The following DPP10 variants were observed in gnomAD, a reference collection of about 807,000 sequenced individuals.
DPP10 encodes inactive dipeptidyl peptidase 10.
Under a neutral mutation model 120.9 loss-of-function variants are expected in DPP10, and 33 were observed. The ratio of observed to expected loss-of-function variants is 0.27; its 90% CI spans 0.21 to 0.37. The LOEUF (loss-of-function observed/expected upper bound fraction) is 0.37, where lower values mean the gene tolerates loss of function less well. Ranked by LOEUF, DPP10 falls within the 10% of genes least tolerant of loss-of-function variation. The pLI is 1.00. For missense variants in DPP10, 816 were observed against 942.8 expected (o/e 0.87, Z 1.76); for synonymous variants, 337 against 326.1 (o/e 1.03, Z -0.36).
intron 3 of DPP10, among the ~76,000 whole-genome samples, chr2:115,377,308 G>A (rs1051665122): frequency 9.2e-5 from 14 of 151,978 alleles, no homozygotes; most frequent in South Asian, 2.1e-4. Flanking sequence ...GCCAGTGATG[G>A]TGAGCATTTT....
chr2:115,814,170 C>T (rs1686969324), intron 19 of DPP10, among the ~76,000 whole-genome samples: 1 of 152,074 alleles, frequency 6.6e-6, no homozygotes, highest in African/African-American at 2.4e-5. Flanking sequence ...ACATATATAT[C>T]TATGCTTCTT....
chr2:115,723,796 T>A (rs2092704671), intron 7 of DPP10, among the ~76,000 whole-genome samples: 3 of 152,176 alleles, frequency 2.0e-5, no homozygotes, highest in Admixed American at 2.0e-4. Flanking sequence ...ATAGGCATTA[T>A]CTGGGATACT....
chr2:114,448,160 T>G (rs1678045182), intron 1 of DPP10, among the ~76,000 whole-genome samples: 2 of 152,208 alleles, frequency 1.3e-5, no homozygotes, highest in Non-Finnish European at 2.9e-5. Flanking sequence ...GCTTTACATT[T>G]TATAGCTTAG....
intron 1 of DPP10, among the ~76,000 whole-genome samples, chr2:114,451,968 G>C (rs1678305462): frequency 6.6e-6 from 1 of 152,136 alleles, no homozygotes; most frequent in African/African-American, 2.4e-5. Context: ...GCTTCATTTA[G>C]AAAGGTACCA....
intron 5 of DPP10, among the ~76,000 whole-genome samples, chr2:115,583,488 A>G (rs962230916): frequency 5.9e-5 from 9 of 152,146 alleles, no homozygotes; most frequent in Non-Finnish European, 1.0e-4. Context: ...TGGTGCCTGG[A>G]TGAGATGGCT....
intron 1 of DPP10, among the ~76,000 whole-genome samples, chr2:114,997,447 G>C (rs952046731): frequency 2.0e-5 from 3 of 150,246 alleles, no homozygotes; most frequent in Non-Finnish European, 4.4e-5. Context: ...AGCCGAGACT[G>C]TGCCACTGCA....
intron 21 of DPP10, among the ~76,000 whole-genome samples, chr2:115,822,751 C>T (rs2150066538): frequency 6.6e-6 from 1 of 151,998 alleles, no homozygotes; most frequent in Admixed American, 6.5e-5. Flanking sequence ...ATTGTCATAA[C>T]TTCTCATCCT....
chr2:114,843,187 G>T (rs998629329), intron 1 of DPP10, among the ~76,000 whole-genome samples: 1 of 152,008 alleles, frequency 6.6e-6, no homozygotes, highest in African/African-American at 2.4e-5. Flanking sequence ...GAAATGAACC[G>T]AAAAATAATC....
chr2:114,645,460 G>A (rs985609990), intron 1 of DPP10, among the ~76,000 whole-genome samples: 2 of 152,296 alleles, frequency 1.3e-5, no homozygotes, highest in East Asian at 1.9e-4. Flanking sequence ...TTTACAGCAC[G>A]AGAACTGAAA....
At chr2:115,448,555 A>T (rs1454804550) in intron 3 of DPP10, among the ~76,000 whole-genome samples, 1 of 152,148 alleles carries the variant, frequency 6.6e-6, no homozygotes, top group Non-Finnish European at 1.5e-5. Flanking sequence ...ATGTTTGTAA[A>T]ACTTGCTATA....
intron 1 of DPP10, among the ~76,000 whole-genome samples, chr2:115,102,791 C>T (rs532254996): frequency 1.3e-5 from 2 of 151,944 alleles, no homozygotes; most frequent in South Asian, 2.1e-4. Context: ...TTTTTGCAGC[C>T]GCAGCCACCA....
chr2:115,739,998 G>C, intron 9 of DPP10, 105 bp downstream of exon 9: 1 of 1,300,292 alleles, frequency 7.7e-7, no homozygotes, highest in Non-Finnish European at 1.1e-6. Flanking sequence ...GAGGAAAACA[G>C]AAGTTTTCCT....
intron 1 of DPP10, among the ~76,000 whole-genome samples, chr2:115,129,505 G>C (rs2050235244): frequency 6.6e-6 from 1 of 152,134 alleles, no homozygotes; most frequent in African/African-American, 2.4e-5. Flanking sequence ...CTTGTTCTAT[G>C]CTCTGTAAAG....
intron 3 of DPP10, among the ~76,000 whole-genome samples, chr2:115,378,409 C>A (rs149432262): frequency 6.7e-6 from 1 of 150,298 alleles, no homozygotes; most frequent in Non-Finnish European, 1.5e-5. Flanking sequence ...ATTTTGTGTC[C>A]TGAGACTTTG....
chr2:115,820,664 T>TGAGTGAG (rs1687717835), intron 21 of DPP10, among the ~76,000 whole-genome samples: 1 of 152,158 alleles, frequency 6.6e-6, no homozygotes, highest in South Asian at 2.1e-4. Context: ...CTTCCACTTA[T>TGAGTGAG]GAGTGAGAAT....
At chr2:115,506,714 G>A (rs2076960366) in intron 4 of DPP10, among the ~76,000 whole-genome samples, 1 of 151,908 alleles carries the variant, frequency 6.6e-6, no homozygotes, top group Non-Finnish European at 1.5e-5. Context: ...AGATATCTAT[G>A]TATAGATCTA....
At chr2:115,761,278 G>C (rs982155365) in intron 11 of DPP10, among the ~76,000 whole-genome samples, 1 of 151,944 alleles carries the variant, frequency 6.6e-6, no homozygotes, top group African/African-American at 2.4e-5. Flanking sequence ...TTAAAAATTA[G>C]CCTACATATA....
At position 114,867,647 on chromosome 2, in the gene DPP10, C is replaced by A. The variant is rs1248687903; in HGVS notation, c.60+424809C>A. On this transcript the variant is annotated intron_variant, in intron 1 of 25. Coordinates refer to ENST00000410059, the MANE Select transcript of DPP10 (RefSeq NM_020868.6). ...GAACTTTGAAAATACTTATTCATAG[C>A]TGTTTGCCTCATTATGCACCAAGCT... Among the ~76,000 whole-genome samples, 5 of 152,214 alleles carry A rather than the reference C, an allele frequency of 3.3e-5. No individual in the cohort carries two copies. In the East Asian group the frequency reaches 9.6e-4, roughly 29 times the overall value.
intron 1 of DPP10, among the ~76,000 whole-genome samples, chr2:114,797,850 A>G (rs1170022181): frequency 1.3e-5 from 2 of 152,192 alleles, no homozygotes; most frequent in South Asian, 2.1e-4. Context: ...ACTCGTTGTC[A>G]AAGAATATAG....
Sources: allele counts gnomAD v4.1 joint callset (sites outside exome capture counted in the v4.1 genomes callset), GRCh38; gene constraint gnomAD v4.1.1; transcripts MANE v1.5; gene names NCBI Gene and HGNC (gene_info 2026-07-23, HGNC 2026-07-21).